CACNA1B: variants seen among roughly 807,000 people sequenced by gnomAD.
CACNA1B encodes the protein calcium voltage-gated channel subunit alpha1 B, also known as voltage-dependent N-type calcium channel subunit alpha-1B.
CACNA1B carries 70 observed loss-of-function variants against 247.2 expected under a neutral mutation model. The observed-to-expected ratio is 0.28, with a 90% confidence interval of 0.23 to 0.35. The LOEUF (loss-of-function observed/expected upper bound fraction) is 0.35. CACNA1B is among the 10% of genes least tolerant of loss of function. CACNA1B has a pLI of 1.00. For missense variants in CACNA1B, 2,367 were observed against 3,197.4 expected, an observed-to-expected ratio of 0.74 and a Z score of 6.26; for synonymous variants, 1,231 against 1,294.4, an observed-to-expected ratio of 0.95 and a Z score of 1.05.
chr9:137,907,854 C>T (rs910678102), intron 3 of CACNA1B, among the ~76,000 whole-genome samples: 2 of 152,144 alleles, frequency 1.3e-5, no homozygotes, highest in Non-Finnish European at 2.9e-5. Flanking sequence ...CTTTGATACA[C>T]CTGGAATTTA....
chr9:138,073,948 C>T lies in CACNA1B; in HGVS notation c.4792-53C>T. On this transcript the variant is annotated intron_variant, in intron 33 of 46. Coordinates refer to ENST00000371372, the MANE Select transcript of CACNA1B (RefSeq NM_000718.4). The surrounding 1 kb of genome is among the most constrained non-coding windows in gnomAD (Gnocchi z 6.4). ...AGGCCCAGCCACCGTAGCAGGAGGC[C>T]TGGGCGTGGTGGCTGGGAGGTGCCT... 3.4e-6 allele frequency: 5 copies of T among 1,465,168 alleles called. No homozygotes were observed. Among genetic ancestry groups the T allele is most frequent in the Non-Finnish European group, 4.8e-6 (5 of 1,052,440 alleles). The allele number at this position is 1,465,168 out of a possible 1,614,324, so 90.8% of individuals were successfully genotyped here.
At chr9:137,929,554 T>C (rs891249412) in intron 6 of CACNA1B, among the ~76,000 whole-genome samples, 2 of 152,142 alleles carry the variant, frequency 1.3e-5, no homozygotes, top group African/African-American at 4.8e-5. Flanking sequence ...GACCCTGTCT[T>C]TAAAACAGTA....
rs1184410863 is a variant in CACNA1B at position 137,882,855 on chromosome 9, G to A, written c.502G>A (p.Val168Ile). ...CTCTTACCTGCGGAACGGCTGGAAC[G>A]TCATGGACTTCGTGGTCGTCCTCAC... ...KGSYLRNGWN[V>I]MDFVVVLTGI... Residue 168 changes from valine to isoleucine, a missense_variant, in exon 3 of 47, where the codon GTC (valine) becomes ATC (isoleucine). Transcript: ENST00000371372. This position sits in a 1 kb window ranked among gnomAD's most constrained non-coding sequence, Gnocchi z 4.0. 2.2e-5 allele frequency: 35 copies of A among 1,613,936 alleles called. No individual in the cohort carries two copies. The highest frequency in any genetic ancestry group is 4.4e-5 in the South Asian group (4 of 91,082).
rs988742623 is a variant in CACNA1B at position 137,990,090 on chromosome 9, A to G, written c.1974+3236A>G. ...CAGCCCTGGGCACTGGCTGCCTGGA[A>G]ATAGACTCAGTGCTGTTGGGGGTGG... On this transcript the variant is annotated intron_variant, in intron 15 of 46. Coordinates refer to ENST00000371372, the MANE Select transcript of CACNA1B (RefSeq NM_000718.4). The surrounding 1 kb of genome is among the most constrained non-coding windows in gnomAD (Gnocchi z 4.5). 6.6e-6 allele frequency among the ~76,000 whole-genome samples: 1 copy of G among 152,118 alleles called. No individual in the cohort carries two copies. The highest frequency in any genetic ancestry group is 1.5e-5 in the Non-Finnish European group (1 of 68,016).
chr9:137,900,162 G>T (rs1957216356), intron 3 of CACNA1B, among the ~76,000 whole-genome samples: 2 of 152,202 alleles, frequency 1.3e-5, no homozygotes, highest in South Asian at 4.1e-4. Context: ...CTCACAGACG[G>T]CTGTGGAAAG....
chr9:137,949,200 GT>G (rs1481441187), intron 6 of CACNA1B, among the ~76,000 whole-genome samples: 20 of 151,672 alleles, frequency 1.3e-4, no homozygotes, highest in African/African-American at 1.9e-4. Flanking sequence ...TGGTGTATGT[GT>G]GTCTGGTATG....
chr9:137,918,216 G>GC (rs1176967660), intron 6 of CACNA1B, among the ~76,000 whole-genome samples: 2 of 151,992 alleles, frequency 1.3e-5, no homozygotes, highest in Non-Finnish European at 1.5e-5. Flanking sequence ...GGCTTGGGGG[G>GC]GGTGCCTGAT....
intron 3 of CACNA1B, among the ~76,000 whole-genome samples, chr9:137,906,577 T>C (rs542899334): frequency 2.8e-4 from 42 of 152,240 alleles, no homozygotes; most frequent in African/African-American, 9.2e-4. Flanking sequence ...TTATTTAACA[T>C]ATGTGTGTCT....
At chr9:137,893,783 A>T (rs1957138305) in intron 3 of CACNA1B, among the ~76,000 whole-genome samples, 2 of 152,212 alleles carry the variant, frequency 1.3e-5, no homozygotes, top group African/African-American at 2.4e-5. Flanking sequence ...AGTTCCCCCA[A>T]AGGAAACCTC....
intron 15 of CACNA1B, among the ~76,000 whole-genome samples, chr9:138,006,073 AC>A (rs1304592708): frequency 2.0e-5 from 3 of 151,084 alleles, no homozygotes; most frequent in African/African-American, 7.3e-5. Context: ...AAATTTAAAA[AC>A]CCCCACAAAT....
intron 6 of CACNA1B, among the ~76,000 whole-genome samples, chr9:137,935,925 C>T (rs571811286): frequency 6.6e-5 from 10 of 152,154 alleles, no homozygotes; most frequent in East Asian, 1.9e-4. Context: ...GGCACGATCT[C>T]GGCTCACTGC....
intron 10 of CACNA1B, among the ~76,000 whole-genome samples, chr9:137,965,060 C>T (rs1300600868): frequency 1.3e-5 from 2 of 152,332 alleles, no homozygotes; most frequent in East Asian, 1.9e-4. Flanking sequence ...GGCATCCTGC[C>T]GCATCCTCTA....
chr9:137,936,441 C>T (rs936388131), intron 6 of CACNA1B, among the ~76,000 whole-genome samples: 2 of 152,198 alleles, frequency 1.3e-5, no homozygotes, highest in Non-Finnish European at 2.9e-5. Context: ...GTTGCCTGTT[C>T]ACTCTGATGG....
At chr9:138,015,173 C>G (rs879598041) in intron 18 of CACNA1B, among the ~76,000 whole-genome samples, 26 of 152,272 alleles carry the variant, frequency 1.7e-4, no homozygotes, top group African/African-American at 6.3e-4. Context: ...AAGGGGCAGC[C>G]GGCCCAAGCC....
At chr9:138,084,613 G>A (rs780197036) in intron 36 of CACNA1B, among the ~76,000 whole-genome samples, 3 of 151,276 alleles carry the variant, frequency 2.0e-5, no homozygotes, top group African/African-American at 7.3e-5. Context: ...GAGGTGATTT[G>A]TTTTACCAGA....
At chr9:137,948,654 T>C (rs1336048167) in intron 6 of CACNA1B, among the ~76,000 whole-genome samples, 2 of 149,754 alleles carry the variant, frequency 1.3e-5, no homozygotes, top group African/African-American at 4.9e-5. Flanking sequence ...TTTGGTGTGT[T>C]TGTGGTGTGT....
At position 138,058,318 on chromosome 9, in the gene CACNA1B, A is replaced by G. The variant is rs770996803; in HGVS notation, c.4308+68A>G. 2.2e-5 allele frequency: 29 copies of G among 1,321,632 alleles called. No homozygotes were observed. Among genetic ancestry groups the G allele is most frequent in the Non-Finnish European group, 3.0e-5 (28 of 922,332 alleles). The allele number at this position is 1,321,632 out of a possible 1,614,324, so 81.9% of individuals were successfully genotyped here. On this transcript the variant is annotated intron_variant, in intron 28 of 46. Coordinates refer to ENST00000371372, the MANE Select transcript of CACNA1B (RefSeq NM_000718.4). This position sits in a 1 kb window ranked among gnomAD's most constrained non-coding sequence, Gnocchi z 4.7. Reference sequence around the variant, plus strand: ...CAGCGCCATCAGGCTTCCCTCCTGCACACAAATCACTCACAGCTGGGTCAG... The same window carrying G: ...CAGCGCCATCAGGCTTCCCTCCTGCGCACAAATCACTCACAGCTGGGTCAG...
At position 138,123,029 on chromosome 9, in the gene CACNA1B, G is replaced by C. The variant is rs199864071; in HGVS notation, c.*1030G>C. The C allele has an allele frequency of 6.6e-6, 1 of 152,316 alleles. No individual in the cohort carries two copies. Among genetic ancestry groups the C allele is most frequent in the Non-Finnish European group, 1.5e-5 (1 of 68,082 alleles). 9.4% of individuals were successfully genotyped at this position (152,316 alleles called of 1,614,324 possible). A position where few individuals can be genotyped will look rare whatever the true frequency, so the allele number is the denominator to read the frequency against. On this transcript the variant is annotated 3_prime_UTR_variant, in exon 47 of 47. Transcript: ENST00000371372. The stretch of plus-strand genomic sequence containing the variant: ...ACGAGTGGAAGGGGTTTCCAAGGAA[G>C]CCACAGGGCAGCTGACCACGTGCTT...
chr9:138,068,564 G>A, intron 31 of CACNA1B: 2 of 518,380 alleles, frequency 3.9e-6, no homozygotes, highest in South Asian at 2.8e-5. Context: ...TTTCCGAGAG[G>A]CACAGGTGGG....
Sources: allele counts gnomAD v4.1 joint callset (sites outside exome capture counted in the v4.1 genomes callset), GRCh38; gene constraint gnomAD v4.1.1; non-coding constraint Gnocchi (gnomAD v3.1); transcripts MANE v1.5; gene names NCBI Gene and HGNC (gene_info 2026-07-23, HGNC 2026-07-21).